Variants in SLC25A19 observed in about 807,000 individuals in gnomAD.
SLC25A19 encodes the protein mitochondrial thiamine pyrophosphate carrier.
In SLC25A19, 18 loss-of-function variants were observed where a neutral mutation model predicts 27.9. That is an observed-to-expected ratio of 0.64 (90% CI 0.45 to 0.96). The LOEUF (loss-of-function observed/expected upper bound fraction) is 0.96. Ranked by LOEUF, SLC25A19 falls within the 40% of genes least tolerant of loss-of-function variation. SLC25A19 has a pLI of 0.00. For synonymous variants in SLC25A19, 169 were observed against 167.1 expected, an observed-to-expected ratio of 1.01 and a Z score of -0.09; for missense variants, 371 against 418.3, an observed-to-expected ratio of 0.89 and a Z score of 0.99.
intron 7 of SLC25A19, among the ~76,000 whole-genome samples, chr17:75,275,028 G>A (rs960152665): frequency 6.4e-5 from 7 of 109,892 alleles, no homozygotes; most frequent in African/African-American, 1.5e-4. Flanking sequence ...TCACTCTGTC[G>A]CCCAAGATGG....
chr17:75,280,531 A>G lies in SLC25A19; in HGVS notation c.460-2196T>C, dbSNP rs1598186547. Among the ~76,000 whole-genome samples, 6 of 152,090 alleles carry G rather than the reference A, an allele frequency of 3.9e-5. 1 individual carries two copies. The highest frequency in any genetic ancestry group is 3.3e-4 in the Admixed American group (5 of 15,262). On this transcript the variant is annotated intron_variant, in intron 5 of 7. Coordinates refer to ENST00000416858, the MANE Select transcript of SLC25A19 (RefSeq NM_001126121.2). ...CTAAAAATATAAAAATTAGCCAGGC[A>G]TGGCCAGGCGCGGTGGCTCACGCCT...
chr17:75,288,222 AG>A (rs1355227308), intron 2 of SLC25A19: 17 of 152,338 alleles, frequency 1.1e-4, no homozygotes, highest in African/African-American at 3.9e-4. Context: ...TGACCTCTTC[AG>A]CCTCACTCTG....
At chr17:75,277,280 GT>G (rs2077914223) in intron 7 of SLC25A19, 72 bp downstream of exon 7, 1 of 1,589,006 alleles carries the variant, frequency 6.3e-7, no homozygotes, top group East Asian at 2.3e-5. Flanking sequence ...TGGGTAGGAG[GT>G]GACTACTGGT....
intron 7 of SLC25A19, among the ~76,000 whole-genome samples, chr17:75,274,868 C>T (rs911195088): frequency 2.4e-4 from 37 of 151,108 alleles, no homozygotes; most frequent in African/African-American, 8.0e-4. Flanking sequence ...ACAGTGTATC[C>T]GTATTTTTGT....
chr17:75,275,927 C>A (rs545097852), intron 7 of SLC25A19, among the ~76,000 whole-genome samples: 1 of 150,420 alleles, frequency 6.6e-6, no homozygotes, highest in Non-Finnish European at 1.5e-5. Context: ...GCCAAGATCA[C>A]GCCACTGCAC....
At position 75,274,753 on chromosome 17, in the gene SLC25A19, G is replaced by C. The variant is rs369558223; in HGVS notation, c.775-1114C>G. On this transcript the variant is annotated intron_variant, in intron 7 of 7. Transcript: ENST00000416858. ...GCCCAGGAGTTCGAGACCAGCCCAG[G>C]CAACAGAGCGATATCCCATTTAAAA... is the stretch of plus-strand genomic sequence containing the variant. Among the ~76,000 whole-genome samples the C allele has an allele frequency of 4.6e-5, 7 of 151,972 alleles. No individual in the cohort carries two copies. The East Asian group carries it at 1.2e-3, about 25-fold the overall frequency.
chr17:75,274,795 GA>G (rs1465746029), intron 7 of SLC25A19, among the ~76,000 whole-genome samples: 2 of 151,892 alleles, frequency 1.3e-5, no homozygotes, highest in Non-Finnish European at 2.9e-5. Flanking sequence ...AGAAAGAAAA[GA>G]AAACAAACTC....
chr17:75,274,144 CT>C (rs1165378128), intron 7 of SLC25A19, among the ~76,000 whole-genome samples: 2 of 152,190 alleles, frequency 1.3e-5, no homozygotes, highest in Non-Finnish European at 2.9e-5. Flanking sequence ...AAATCAGAAG[CT>C]GGACAGCGCT....
chr17:75,284,633 C>CATTTTTT lies in SLC25A19; in HGVS notation c.289-1041_289-1040insAAAAAAT, dbSNP rs776356552. 2.6e-4 allele frequency among the ~76,000 whole-genome samples: 29 copies of CATTTTTT among 112,292 alleles called. 10 individuals are homozygous for CATTTTTT. Among genetic ancestry groups the CATTTTTT allele is most frequent in the South Asian group, 3.1e-4 (1 of 3,190 alleles). The allele number at this position is 112,292 out of a possible 152,430, so 73.7% of individuals were successfully genotyped here. On this transcript the variant is annotated intron_variant, in intron 4 of 7. Transcript: ENST00000416858. ...GTGACCCCCTTACATTCAGATCTTTCTTTTTTTTTTTTTTTTTTTTTTTTT... is the reference window on the plus strand; with the variant it reads ...GTGACCCCCTTACATTCAGATCTTTCATTTTTTTTTTTTTTTTTTTTTTTTTTTTTTT...
intron 5 of SLC25A19, among the ~76,000 whole-genome samples, chr17:75,282,978 G>C (rs2078078647): frequency 1.4e-5 from 2 of 138,132 alleles, no homozygotes; most frequent in South Asian, 2.3e-4. Flanking sequence ...AACAGAGCGA[G>C]ACTCTGTCTC....
At chr17:75,283,172 G>A (rs1285081419) in intron 5 of SLC25A19, among the ~76,000 whole-genome samples, 1 of 150,090 alleles carries the variant, frequency 6.7e-6, no homozygotes, top group Non-Finnish European at 1.5e-5. Flanking sequence ...GTGGTGGCGG[G>A]TGCCTGTAAT....
At chr17:75,286,265 C>A (rs112001129) in intron 4 of SLC25A19, 39 bp downstream of exon 4, 1 of 1,610,046 alleles carries the variant, frequency 6.2e-7, no homozygotes, top group South Asian at 1.1e-5. Flanking sequence ...CACTGAGCAA[C>A]GTGACCCCAG....
intron 4 of SLC25A19, 64 bp from the exon 5 acceptor site, chr17:75,283,657 C>A: frequency 6.6e-7 from 1 of 1,515,592 alleles, no homozygotes; most frequent in East Asian, 2.3e-5. Flanking sequence ...CAAATACTCC[C>A]CAAATACATC....
intron 4 of SLC25A19, among the ~76,000 whole-genome samples, chr17:75,285,276 GCTT>G (rs1057413360): frequency 1.3e-4 from 20 of 151,840 alleles, no homozygotes; most frequent in African/African-American, 4.3e-4. Context: ...AGATGGCCTG[GCTT>G]CTTTTCTTTT....
Position 75,277,593 on chromosome 17 carries a change from C to T in SLC25A19, c.644-110G>A, listed in dbSNP as rs572036211. On this transcript the variant is annotated intron_variant, in intron 6 of 7. Transcript: ENST00000416858. ...TCCACCACAAACCAAACCCCACAAG[C>T]GCACTTCTATCTGACCTCCACTGGT... The T allele has an allele frequency of 6.0e-4, 782 of 1,305,156 alleles. No individual in the cohort carries two copies. In the Middle Eastern group the frequency reaches 8.6e-3, roughly 14 times the overall value. 80.8% of individuals were successfully genotyped at this position (1,305,156 alleles called of 1,614,324 possible).
At chr17:75,279,008 A>AATAG (rs2077969889) in intron 5 of SLC25A19, among the ~76,000 whole-genome samples, 1 of 150,468 alleles carries the variant, frequency 6.6e-6, no homozygotes, top group African/African-American at 2.4e-5. Flanking sequence ...TAAATAAATA[A>AATAG]ATAAATAAAT....
rs773829010 is a variant in SLC25A19, at chr17:75,278,321, C to T, written c.474G>A (p.Leu158=). ...TATACATGGTCCCCACGGCGTGGCG[C>T]AGCGTATTATAGACCTGGACACACA... is the stretch of plus-strand genomic sequence containing the variant. ...AQGEPKVYNT[L]RHAVGTMYRS... The change falls in exon 6 of 8, where the codon CTG becomes CTA. Residue 158 remains leucine, a synonymous_variant. Transcript: ENST00000416858. 4.3e-6 allele frequency: 7 copies of T among 1,614,100 alleles called. No individual in the cohort carries two copies. The South Asian group carries it at 7.7e-5, about 18-fold the overall frequency.
rs774367635 is a variant in SLC25A19 at position 75,277,419 on chromosome 17, C to A, written c.708G>T (p.Pro236=). The part of the protein sequence containing the change: ...AGVISKTLTY[P]LDLFKKRLQV... ...GTAGCCGCTTCTTGAAGAGGTCCAG[C>A]GGATATGTCAGGGTCTTGCTGATGA... The change falls in exon 7 of 8, where the codon CCG becomes CCT. Residue 236 remains proline (P), a synonymous_variant. Coordinates refer to ENST00000416858, the MANE Select transcript of SLC25A19 (RefSeq NM_001126121.2). 1 of 1,614,058 alleles carries A rather than the reference C, an allele frequency of 6.2e-7. No homozygotes were observed. Among genetic ancestry groups the A allele is most frequent in the Non-Finnish European group, 8.5e-7 (1 of 1,180,000 alleles).
chr17:75,274,152 C>T (rs187307205), intron 7 of SLC25A19, among the ~76,000 whole-genome samples: 1 of 152,304 alleles, frequency 6.6e-6, no homozygotes, highest in Admixed American at 6.5e-5. Flanking sequence ...AGCTGGACAG[C>T]GCTCCTTCCT....
Sources: gnomAD v4.1 joint callset for allele counts (sites outside exome capture counted in the v4.1 genomes callset) on GRCh38, gnomAD v4.1.1 for gene constraint, MANE v1.5 for transcripts, NCBI Gene and HGNC (gene_info 2026-07-23, HGNC 2026-07-21) for gene names.